MRPL3: variants seen among roughly 807,000 people sequenced by gnomAD.
MRPL3 encodes mitochondrial ribosomal protein L3.
Under a neutral mutation model 44.3 loss-of-function variants are expected in MRPL3, and 43 were observed. The ratio of observed to expected loss-of-function variants is 0.97; its 90% confidence interval spans 0.76 to 1.25. The LOEUF (loss-of-function observed/expected upper bound fraction) is 1.25, where lower values mean the gene tolerates loss of function less well. Among genes scored for constraint, MRPL3 ranks in the 50% most tolerant of loss-of-function variants. The pLI, the probability that MRPL3 is intolerant of heterozygous loss-of-function variation, is 0.00. For synonymous variants in MRPL3, 171 were observed against 152.3 expected (o/e 1.12, Z -0.91); for missense variants, 406 against 427.6 (o/e 0.95, Z 0.45).
chr3:131,496,596 T>G (rs1440508647), intron 4 of MRPL3, among the ~76,000 whole-genome samples: 2 of 152,132 alleles, frequency 1.3e-5, no homozygotes, highest in African/African-American at 4.8e-5. Flanking sequence ...CTTGTTCCTA[T>G]CCCAGAGTAT....
Position 131,498,216 on chromosome 3 carries a change from G to T in MRPL3, c.431C>A (p.Thr144Asn). ...SKENCNGKMATLSVGGKTVSR... is the reference protein window; with the variant it reads ...SKENCNGKMANLSVGGKTVSR... ...TACAGTTTTTCCTCCTACAGACAGG[G>T]TTGCCATTTTTCCATTACAGTTTTC... The change falls in exon 4 of 10, where the codon ACC becomes AAC. Residue 144 changes from threonine (T) to asparagine (N), a missense_variant. Thr to Asn is a moderately conservative substitution (Grantham distance 65). Coordinates refer to ENST00000264995, the MANE Select transcript of MRPL3 (RefSeq NM_007208.4). The T allele has an allele frequency of 6.2e-7, 1 of 1,612,200 alleles. No individual in the cohort carries two copies. Among genetic ancestry groups the T allele is most frequent in the East Asian group, 2.2e-5 (1 of 44,852 alleles).
intron 6 of MRPL3, 155 bp from the exon 7 acceptor site, chr3:131,471,434 A>C: frequency 1.7e-6 from 1 of 597,582 alleles, no homozygotes; most frequent in South Asian, 2.1e-5. Flanking sequence ...TAAAACTGCA[A>C]ATAAATATTC....
At chr3:131,475,905 C>A (rs561407666) in intron 6 of MRPL3, among the ~76,000 whole-genome samples, 1 of 152,188 alleles carries the variant, frequency 6.6e-6, no homozygotes, top group Non-Finnish European at 1.5e-5. Context: ...GCAAACAACA[C>A]TTCAAAGAGA....
At chr3:131,482,678 CATG>C (rs1934018452) in intron 6 of MRPL3, among the ~76,000 whole-genome samples, 1 of 152,046 alleles carries the variant, frequency 6.6e-6, no homozygotes, top group African/African-American at 2.4e-5. Context: ...GACTTCTAGA[CATG>C]ATTTTTAAAT....
chr3:131,490,168 C>A (rs1014491402), intron 4 of MRPL3, 88 bp from the exon 5 acceptor site: 10 of 874,312 alleles, frequency 1.1e-5, no homozygotes, highest in Admixed American at 6.0e-5. Flanking sequence ...TTATTAACAC[C>A]CCAGAAAATA....
chr3:131,494,133 A>T lies in MRPL3; in HGVS notation c.468+4046T>A, dbSNP rs1400921632. On this transcript the variant is annotated intron_variant, in intron 4 of 9. Transcript: ENST00000264995. The stretch of plus-strand genomic sequence containing the variant: ...CCCCTGGGGCTCTCCAGTGGAGCCT[A>T]CAACAAATGCCAAGAAGCTCTACTT... 2.0e-5 allele frequency among the ~76,000 whole-genome samples: 3 copies of T among 152,236 alleles called. No individual in the cohort carries two copies. The East Asian group carries it at 5.8e-4, about 29-fold the overall frequency.
chr3:131,501,884 T>C (rs1473436286), intron 1 of MRPL3, 169 bp from the exon 2 acceptor site: 1 of 1,539,672 alleles, frequency 6.5e-7, no homozygotes, highest in Non-Finnish European at 8.7e-7. Flanking sequence ...CTCCCCACAT[T>C]CCTTCGGATA....
At chr3:131,468,329 T>C (rs534408789) in intron 8 of MRPL3, among the ~76,000 whole-genome samples, 161 bp from the exon 9 acceptor site, 1 of 152,126 alleles carries the variant, frequency 6.6e-6, no homozygotes, top group Non-Finnish European at 1.5e-5. Flanking sequence ...TATGGATGAC[T>C]TGTAATAGAA....
At chr3:131,496,948 T>C (rs1934383052) in intron 4 of MRPL3, among the ~76,000 whole-genome samples, 3 of 152,184 alleles carry the variant, frequency 2.0e-5, no homozygotes, top group Admixed American at 6.5e-5. Context: ...CACATTACAC[T>C]TCTCTCCCCA....
At chr3:131,478,991 C>A in intron 6 of MRPL3, 1 of 375,514 alleles carries the variant, frequency 2.7e-6, no homozygotes, top group Non-Finnish European at 5.2e-6. Context: ...CTATGCCCAG[C>A]CCAAAATATT....
chr3:131,495,877 A>G (rs1424636935), intron 4 of MRPL3, among the ~76,000 whole-genome samples: 2 of 152,170 alleles, frequency 1.3e-5, no homozygotes. Context: ...TAATTCAGAG[A>G]CCATCAAGTA....
At chr3:131,491,947 T>C (rs953647514) in intron 4 of MRPL3, among the ~76,000 whole-genome samples, 1 of 152,048 alleles carries the variant, frequency 6.6e-6, no homozygotes, top group Non-Finnish European at 1.5e-5. Flanking sequence ...TTCTACACAA[T>C]CTGACCTCAT....
intron 6 of MRPL3, among the ~76,000 whole-genome samples, chr3:131,477,170 C>CA (rs1217243204): frequency 6.6e-6 from 1 of 152,150 alleles, no homozygotes; most frequent in African/African-American, 2.4e-5. Flanking sequence ...CCTTTCATTG[C>CA]ATGATTCTGG....
Position 131,498,270 on chromosome 3 carries a change from T to A in MRPL3, c.377A>T (p.Asp126Val), listed in dbSNP as rs2110715574. Residue 126 changes from aspartate (D) to valine (V), a missense_variant, in exon 4 of 10, where the codon GAC becomes GTC. Physicochemically the swap from Asp to Val is radical, Grantham distance 152. Transcript: ENST00000264995. ...TGACGTATATTTTAAGACATGACAGTCTTGTACCTAAAAAAACAAACATAA... is the reference window on the plus strand; with the variant it reads ...TGACGTATATTTTAAGACATGACAGACTTGTACCTAAAAAAACAAACATAA... The part of the protein sequence containing the change: ...KHVVTLLQVQ[D>V]CHVLKYTSKE... 1 of 1,597,880 alleles carries A rather than the reference T, an allele frequency of 6.3e-7. No homozygotes were observed. The highest frequency in any genetic ancestry group is 8.6e-7 in the Non-Finnish European group (1 of 1,168,218).
In MRPL3 at chr3:131,462,718, A is replaced by G. The variant is rs756660202; in HGVS notation, c.*5T>C. ...ATATGTAAGGTTCTGCCACGTCCAAAGATGTTAGGCAAATGTAATAGAAGG... is the reference window on the plus strand; with the variant it reads ...ATATGTAAGGTTCTGCCACGTCCAAGGATGTTAGGCAAATGTAATAGAAGG... On this transcript the variant is annotated 3_prime_UTR_variant, in exon 10 of 10. Coordinates refer to ENST00000264995, the MANE Select transcript of MRPL3 (RefSeq NM_007208.4). The G allele has an allele frequency of 2.2e-5, 35 of 1,609,454 alleles. No individual in the cohort carries two copies. The highest frequency in any genetic ancestry group is 8.5e-7 in the Non-Finnish European group (1 of 1,177,292).
chr3:131,487,547 A>C, intron 6 of MRPL3, 133 bp downstream of exon 6: 1 of 736,196 alleles, frequency 1.4e-6, no homozygotes, highest in Non-Finnish European at 2.2e-6. Flanking sequence ...GTAACATGAA[A>C]GATTTGAATT....
intron 4 of MRPL3, among the ~76,000 whole-genome samples, chr3:131,492,147 T>C (rs1934271283): frequency 6.6e-6 from 1 of 152,186 alleles, no homozygotes; most frequent in Non-Finnish European, 1.5e-5. Context: ...TCAACTTACC[T>C]TGTCTAATTA....
At chr3:131,489,960 C>A in intron 5 of MRPL3, 21 bp downstream of exon 5, 1 of 1,506,586 alleles carries the variant, frequency 6.6e-7, no homozygotes, top group South Asian at 1.1e-5. Flanking sequence ...TACCTCCCTC[C>A]TCTCCCCAAC....
In MRPL3 at chr3:131,468,161, C is replaced by T. The variant is rs771914518; in HGVS notation, c.824G>A (p.Arg275Lys). 33 of 1,582,114 alleles carry T rather than the reference C, an allele frequency of 2.1e-5. No homozygotes were observed. The highest frequency in any genetic ancestry group is 9.6e-5 in the African/African-American group (7 of 72,942). Reference protein sequence around the residue: ...YRTEYGLKVWRINTKHNIIYV... With the variant: ...YRTEYGLKVWKINTKHNIIYV... ...GATTATGTTGTGCTTTGTGTTTATT[C>T]TCCACACCTAAAGCATGAAATAAAA... Residue 275 changes from arginine to lysine, a missense_variant, in exon 9 of 10, where the codon AGA becomes AAA. Physicochemically the swap from Arg to Lys is conservative, Grantham distance 26 (BLOSUM62 2). Transcript: ENST00000264995.
Sources: gnomAD v4.1 joint callset for allele counts (sites outside exome capture counted in the v4.1 genomes callset) on GRCh38, gnomAD v4.1.1 for gene constraint, MANE v1.5 for transcripts, NCBI Gene and HGNC (gene_info 2026-07-23, HGNC 2026-07-21) for gene names.